TBXAS1: variants seen among roughly 807,000 people sequenced by gnomAD.
TBXAS1 encodes the protein thromboxane-A synthase.
Under a neutral mutation model 60.7 loss-of-function variants are expected in TBXAS1, and 48 were observed. The ratio of observed to expected loss-of-function variants is 0.79; its 90% CI spans 0.63 to 1.01. The LOEUF (loss-of-function observed/expected upper bound fraction) is 1.01, where lower values mean the gene tolerates loss of function less well. Among genes scored for constraint, TBXAS1 ranks in the 50% least tolerant of loss-of-function variants. The pLI is 0.00. For missense variants in TBXAS1, 685 were observed against 686.3 expected (o/e 1.00, Z 0.02); for synonymous variants, 287 against 269.7 (o/e 1.06, Z -0.63).
intron 9 of TBXAS1, among the ~76,000 whole-genome samples, chr7:139,963,643 G>C (rs1810540398): frequency 1.3e-5 from 2 of 152,190 alleles, no homozygotes; most frequent in Non-Finnish European, 2.9e-5. Flanking sequence ...GGGTGCATTA[G>C]TGCAAAAGAA....
At chr7:139,823,618 C>T (rs977692107) in intron 4 of TBXAS1, among the ~76,000 whole-genome samples, 1 of 152,086 alleles carries the variant, frequency 6.6e-6, no homozygotes, top group Non-Finnish European at 1.5e-5. Flanking sequence ...TCAGAATAAA[C>T]GATATCATAA....
intron 4 of TBXAS1, among the ~76,000 whole-genome samples, chr7:139,805,543 T>A (rs1797824977): frequency 6.6e-6 from 1 of 152,176 alleles, no homozygotes; most frequent in South Asian, 2.1e-4. Context: ...TGAGTCTTCC[T>A]TCTAGTTCCT....
At chr7:139,831,105 A>G (rs1051742731) in intron 1 of TBXAS1, among the ~76,000 whole-genome samples, 22 of 152,084 alleles carry the variant, frequency 1.4e-4, no homozygotes, top group African/African-American at 4.6e-4. Context: ...AATATTTATT[A>G]ACCTGTTAAT....
In TBXAS1 at chr7:140,020,062, CA is replaced by C. The variant is rs748691839; in HGVS notation, c.1571del (p.Asn524MetfsTer29). The C allele has an allele frequency of 2.4e-5, 39 of 1,608,934 alleles. No individual in the cohort carries two copies. The highest frequency in any genetic ancestry group is 3.1e-5 in the Non-Finnish European group (37 of 1,178,058). On this transcript the variant is annotated frameshift_variant, in exon 13 of 13. Coordinates refer to ENST00000448866, the MANE Select transcript of TBXAS1 (RefSeq NM_001061.7). LOFTEE classifies it high-confidence loss of function. ...CTAGAATCCAAATCTGCCCTAGGTC[CA>C]AAAAATGGTGTCTATATCAAGATCG... ...LQLESKSALGPKNGVYIKIVS... is the reference protein window; with the variant it reads ...LQLESKSALGXKNGVYIKIVS...
At chr7:139,870,655 C>T (rs1801752741) in intron 1 of TBXAS1, among the ~76,000 whole-genome samples, 4 of 152,212 alleles carry the variant, frequency 2.6e-5, no homozygotes, top group Admixed American at 2.6e-4. Flanking sequence ...CACACTTGAA[C>T]ATGGACCTAA....
chr7:139,836,449 G>A (rs957283849), intron 1 of TBXAS1, among the ~76,000 whole-genome samples: 3 of 152,120 alleles, frequency 2.0e-5, no homozygotes, highest in African/African-American at 7.2e-5. Flanking sequence ...CAAACAGCAT[G>A]GTACTGGTAT....
Position 140,017,746 on chromosome 7 carries a change from C to A in TBXAS1, c.1440C>A (p.Leu480=). Residue 480 remains leucine (L), a synonymous_variant, in exon 12 of 13, where the codon CTC becomes CTA. Coordinates refer to ENST00000448866, the MANE Select transcript of TBXAS1 (RefSeq NM_001061.7). ...LPFGAGPRSC[L]GVRLGLLEVK... is the part of the protein sequence containing the mutation. ...TCGGGGCCGGCCCACGGAGCTGCCT[C>A]GGGGTGCGTCTAGGGCTGCTTGAGG... The A allele has an allele frequency of 6.2e-7, 1 of 1,614,062 alleles. No individual in the cohort carries two copies. The highest frequency in any genetic ancestry group is 8.5e-7 in the Non-Finnish European group (1 of 1,179,960).
chr7:139,822,628 C>T (rs1322262487), intron 4 of TBXAS1, among the ~76,000 whole-genome samples: 1 of 152,194 alleles, frequency 6.6e-6, no homozygotes, highest in South Asian at 2.1e-4. Flanking sequence ...GAGTCCCTGT[C>T]GTACTGTATG....
At chr7:139,900,302 G>A (rs1254813029) in intron 3 of TBXAS1, among the ~76,000 whole-genome samples, 3 of 152,226 alleles carry the variant, frequency 2.0e-5, no homozygotes, top group Non-Finnish European at 2.9e-5. Flanking sequence ...CCATGGCCCA[G>A]AGAGTTTCAG....
intron 5 of TBXAS1, among the ~76,000 whole-genome samples, chr7:139,939,361 A>T (rs1225221601): frequency 7.4e-5 from 8 of 107,386 alleles, no homozygotes; most frequent in Non-Finnish European, 1.4e-4. Flanking sequence ...AAGACTCCAG[A>T]CTCCATCTCA....
chr7:139,800,920 T>C (rs1304285806), intron 4 of TBXAS1, among the ~76,000 whole-genome samples: 1 of 152,240 alleles, frequency 6.6e-6, no homozygotes, highest in Non-Finnish European at 1.5e-5. Flanking sequence ...TCTTACAAAA[T>C]AGTTTATAGC....
chr7:139,979,747 AT>A (rs1811830822), intron 9 of TBXAS1, among the ~76,000 whole-genome samples: 1 of 147,774 alleles, frequency 6.8e-6, no homozygotes, highest in Admixed American at 6.8e-5. Flanking sequence ...AATAATAATA[AT>A]AATAATAATA....
At chr7:139,823,910 G>A (rs1040384155) in intron 4 of TBXAS1, among the ~76,000 whole-genome samples, 1 of 152,156 alleles carries the variant, frequency 6.6e-6, no homozygotes, top group African/African-American at 2.4e-5. Context: ...AAGCTCCATT[G>A]TCCCTTTACC....
chr7:140,014,157 G>A (rs922798101), intron 10 of TBXAS1, among the ~76,000 whole-genome samples: 19 of 152,146 alleles, frequency 1.2e-4, no homozygotes, highest in Admixed American at 7.9e-4. Flanking sequence ...AATGAGAGAC[G>A]AGAATCTAAA....
At chr7:139,819,939 G>A (rs1798252333) in intron 4 of TBXAS1, among the ~76,000 whole-genome samples, 1 of 151,756 alleles carries the variant, frequency 6.6e-6, no homozygotes, top group Admixed American at 6.6e-5. Context: ...CTATTATTGG[G>A]CCTGTGCCTG....
chr7:140,003,355 C>T (rs1813827075), intron 9 of TBXAS1, among the ~76,000 whole-genome samples: 1 of 152,058 alleles, frequency 6.6e-6, no homozygotes, highest in African/African-American at 2.4e-5. Flanking sequence ...AGGCACCCAC[C>T]ACCATGCCCA....
chr7:139,814,602 C>T (rs969838634), intron 4 of TBXAS1, among the ~76,000 whole-genome samples: 6 of 152,110 alleles, frequency 3.9e-5, no homozygotes, highest in African/African-American at 1.4e-4. Context: ...AGTTCCAAGG[C>T]CTCACTGAAT....
intron 4 of TBXAS1, among the ~76,000 whole-genome samples, chr7:139,809,445 G>A (rs1010163968): frequency 4.6e-5 from 7 of 152,100 alleles, no homozygotes; most frequent in Non-Finnish European, 1.0e-4. Context: ...ATAGATATAT[G>A]AGAAGGGATT....
chr7:139,884,030 A>G (rs2299887), intron 3 of TBXAS1, among the ~76,000 whole-genome samples: 71,161 of 152,066 alleles, frequency 0.47, 17,059 homozygotes, highest in African/African-American at 0.57. Context: ...ATGACTACAA[A>G]CCAATGAGAC....
Sources: gnomAD v4.1 joint callset for allele counts (sites outside exome capture counted in the v4.1 genomes callset) on GRCh38, gnomAD v4.1.1 for gene constraint, MANE v1.5 for transcripts, NCBI Gene and HGNC (gene_info 2026-07-23, HGNC 2026-07-21) for gene names.